Variants in NIPAL2 observed in about 807,000 individuals in gnomAD.
NIPAL2 encodes NIPA like domain containing 2.
Under a neutral mutation model 48.9 loss-of-function variants are expected in NIPAL2, and 43 were observed. That is an observed-to-expected ratio of 0.88 (90% CI 0.69 to 1.13). The LOEUF is 1.13. Among genes scored for constraint, NIPAL2 ranks in the 50% most tolerant of loss-of-function variants. The pLI is 0.00. For synonymous variants in NIPAL2, 167 were observed against 174.6 expected (o/e 0.96, Z 0.34); for missense variants, 446 against 461.4 (o/e 0.97, Z 0.31).
chr8:98,224,302 A>G (rs1039038457), intron 4 of NIPAL2, among the ~76,000 whole-genome samples: 5 of 152,066 alleles, frequency 3.3e-5, no homozygotes, highest in African/African-American at 1.2e-4. Flanking sequence ...CTTTTCAGAG[A>G]TGTTTTATGC....
rs57611524 is a variant in NIPAL2, at chr8:98,284,418, T to TCA, written c.135+9583_135+9584dup. Among the ~76,000 whole-genome samples, 1,419 of 146,342 alleles carry TCA rather than the reference T, an allele frequency of 9.7e-3. 18 individuals are homozygous for TCA. Among genetic ancestry groups the TCA allele is most frequent in the African/African-American group, 0.028 (1,144 of 40,484 alleles). On this transcript the variant is annotated intron_variant, in intron 1 of 10. Transcript: ENST00000430223. ...AAGGCATTCTCTCTCTCTCTCTCTC[T>TCA]CACACACACACACACACACACACAT...
chr8:98,284,399 T>TTCTC (rs72278053), intron 1 of NIPAL2, among the ~76,000 whole-genome samples: 1 of 117,238 alleles, frequency 8.5e-6, no homozygotes, highest in African/African-American at 3.4e-5. Context: ...TTCTAAGGCA[T>TTCTC]TCTCTCTCTC....
chr8:98,279,021 A>G (rs944343089), intron 1 of NIPAL2, among the ~76,000 whole-genome samples: 3 of 152,162 alleles, frequency 2.0e-5, no homozygotes, highest in Non-Finnish European at 2.9e-5. Context: ...AGCAGCTGTC[A>G]GAAAGTTTCC....
chr8:98,293,166 T>C (rs1438424079), intron 1 of NIPAL2, among the ~76,000 whole-genome samples: 1 of 152,224 alleles, frequency 6.6e-6, no homozygotes, highest in East Asian at 1.9e-4. Flanking sequence ...CTGATTATAT[T>C]GTTGCAAAAA....
chr8:98,261,697 A>T (rs1285967837), intron 1 of NIPAL2, among the ~76,000 whole-genome samples: 1 of 145,072 alleles, frequency 6.9e-6, no homozygotes, highest in East Asian at 2.0e-4. Context: ...AAGTTGGAAA[A>T]CACTCTGCAG....
chr8:98,279,213 T>A (rs1815653933), intron 1 of NIPAL2, among the ~76,000 whole-genome samples: 2 of 152,180 alleles, frequency 1.3e-5, no homozygotes, highest in African/African-American at 4.8e-5. Context: ...AAATTTGCAA[T>A]GCTTTTAAAA....
intron 6 of NIPAL2, among the ~76,000 whole-genome samples, chr8:98,205,895 GGACCATC>G (rs1297340221): frequency 6.6e-6 from 1 of 152,120 alleles, no homozygotes; most frequent in African/African-American, 2.4e-5. Flanking sequence ...TTCTCAGGGT[GGACCATC>G]AATTTAAGGT....
intron 1 of NIPAL2, among the ~76,000 whole-genome samples, chr8:98,263,065 G>T (rs1189486140): frequency 6.7e-6 from 1 of 149,870 alleles, no homozygotes; most frequent in Non-Finnish European, 1.5e-5. Context: ...AAATAAAGAT[G>T]TTCTTTGAAA....
Position 98,205,102 on chromosome 8 carries a change from C to G in NIPAL2, c.791+9G>C. 6.2e-7 allele frequency: 1 copy of G among 1,613,198 alleles called. No homozygotes were observed. Among genetic ancestry groups the G allele is most frequent in the Non-Finnish European group, 8.5e-7 (1 of 1,179,588 alleles). Reference sequence around the variant, plus strand: ...TGAAAGATTAGTGAGTATGCAGAAGCTAACTTACTTGACTTGGAAAACACA... The same window carrying G: ...TGAAAGATTAGTGAGTATGCAGAAGGTAACTTACTTGACTTGGAAAACACA... On this transcript the variant is annotated intron_variant, in intron 7 of 10. Coordinates refer to ENST00000430223, the MANE Select transcript of NIPAL2 (RefSeq NM_001321635.2).
At chr8:98,202,728 C>T (rs924656595) in intron 8 of NIPAL2, among the ~76,000 whole-genome samples, 4 of 152,142 alleles carry the variant, frequency 2.6e-5, no homozygotes, top group African/African-American at 4.8e-5. Context: ...TAAATTACTC[C>T]GTCTCAGGTA....
Position 98,205,180 on chromosome 8 carries a change from A to AT in NIPAL2, c.721dup (p.Met241AsnfsTer42). The AT allele has an allele frequency of 6.2e-7, 1 of 1,613,550 alleles. No individual in the cohort carries two copies. Among genetic ancestry groups the AT allele is most frequent in the African/African-American group, 1.3e-5 (1 of 75,060 alleles). On this transcript the variant is annotated frameshift_variant, in exon 7 of 11. Transcript: ENST00000430223. LOFTEE classifies it high-confidence loss of function. ...ATAGAAAATGGGGTAAGTTAGTTGC[A>AT]TTTTATCCATCACAGAAAAAGTGAT...
chr8:98,268,242 C>T (rs1357908243), intron 1 of NIPAL2, among the ~76,000 whole-genome samples: 1 of 152,088 alleles, frequency 6.6e-6, no homozygotes, highest in African/African-American at 2.4e-5. Context: ...ACTTATGATG[C>T]ATTTTTTTTG....
At chr8:98,217,959 C>T (rs2443576) in intron 5 of NIPAL2, among the ~76,000 whole-genome samples, 9,171 of 151,908 alleles carry the variant, frequency 0.06, 350 homozygotes, top group Middle Eastern at 0.12. Context: ...AATAAATGAA[C>T]GAATAAATTT....
chr8:98,234,480 C>G (rs1388144085), intron 4 of NIPAL2, among the ~76,000 whole-genome samples: 1 of 152,048 alleles, frequency 6.6e-6, no homozygotes, highest in East Asian at 1.9e-4. Flanking sequence ...TCCCTTAAGC[C>G]ACTTGATAAA....
chr8:98,230,687 T>G lies in NIPAL2; in HGVS notation c.436+5468A>C, dbSNP rs370785420. Among the ~76,000 whole-genome samples, 73 of 152,280 alleles carry G rather than the reference T, an allele frequency of 4.8e-4. 1 individual carries two copies. The South Asian group carries it at 0.014, about 29-fold the overall frequency. On this transcript the variant is annotated intron_variant, in intron 4 of 10. Transcript: ENST00000430223. ...GGCTACTAGTGTTCTGTTGCAAAAG[T>G]CTTCTATAGATACCTGTGCACCAAA...
intron 1 of NIPAL2, among the ~76,000 whole-genome samples, chr8:98,273,887 C>T (rs1262100555): frequency 6.6e-6 from 1 of 151,966 alleles, no homozygotes; most frequent in African/African-American, 2.4e-5. Flanking sequence ...CGTACATAGT[C>T]ATTGTCATTT....
chr8:98,225,857 C>T (rs1057127032), intron 4 of NIPAL2, among the ~76,000 whole-genome samples: 1 of 152,028 alleles, frequency 6.6e-6, no homozygotes. Flanking sequence ...TAGATTTGTT[C>T]TTTTGAGGCT....
chr8:98,224,755 CTTTT>C (rs371936351), intron 4 of NIPAL2, among the ~76,000 whole-genome samples: 6 of 123,766 alleles, frequency 4.8e-5, no homozygotes, highest in South Asian at 2.5e-4. Flanking sequence ...TCTTTCTTTT[CTTTT>C]TTTTTTTTTT....
chr8:98,249,488 A>G (rs1394765502), intron 3 of NIPAL2, among the ~76,000 whole-genome samples: 1 of 151,652 alleles, frequency 6.6e-6, no homozygotes, highest in Non-Finnish European at 1.5e-5. Context: ...CATATGTCAT[A>G]TATGACATAC....
Sources: gnomAD v4.1 joint callset for allele counts (sites outside exome capture counted in the v4.1 genomes callset) on GRCh38, gnomAD v4.1.1 for gene constraint, MANE v1.5 for transcripts, NCBI Gene and HGNC (gene_info 2026-07-23, HGNC 2026-07-21) for gene names.